The following DLC1 variants were observed in gnomAD, a reference collection of about 807,000 sequenced individuals.
DLC1 encodes DLC1 Rho GTPase activating protein.
In DLC1, 54 loss-of-function variants were observed where a neutral mutation model predicts 140.3. The observed-to-expected ratio is 0.38, with a 90% CI of 0.31 to 0.48. DLC1 has a LOEUF of 0.48. Among genes scored for constraint, DLC1 ranks in the 20% least tolerant of loss-of-function variants. The probability of loss-of-function intolerance (pLI) is 0.96; values close to 1 mark genes in which losing one functional copy is unlikely to be tolerated. For synonymous variants in DLC1, 986 were observed against 728.1 expected (o/e 1.35, Z -5.70); for missense variants, 2,536 against 1,907.0 (o/e 1.33, Z -6.14).
At chr8:13,329,772 A>C (rs1228720457) in intron 4 of DLC1, among the ~76,000 whole-genome samples, 1 of 152,162 alleles carries the variant, frequency 6.6e-6, no homozygotes, top group Non-Finnish European at 1.5e-5. Flanking sequence ...TAGGATCCTT[A>C]AGAACAGGAG....
At chr8:13,420,212 C>T (rs992818145) in intron 2 of DLC1, among the ~76,000 whole-genome samples, 2 of 152,080 alleles carry the variant, frequency 1.3e-5, no homozygotes, top group Admixed American at 1.3e-4. Flanking sequence ...TCTCTATTTC[C>T]TTGAGTTCTG....
rs1837794558 is a variant in DLC1 at position 13,411,764 on chromosome 8, A to C, written c.1024-10145T>G. ...AGACTAGAAAATTTTTAGTGTGGAT[A>C]TCTTTAAATACACACAAAATACAGA... is the stretch of plus-strand genomic sequence containing the variant. On this transcript the variant is annotated intron_variant, in intron 2 of 17. Transcript: ENST00000276297. 2.0e-5 allele frequency among the ~76,000 whole-genome samples: 3 copies of C among 152,202 alleles called. No homozygotes were observed. The South Asian group carries it at 6.2e-4, about 31-fold the overall frequency.
At chr8:13,597,699 A>G (rs1190988716) in intron 1 of DLC1, among the ~76,000 whole-genome samples, 1 of 152,088 alleles carries the variant, frequency 6.6e-6, no homozygotes, top group Non-Finnish European at 1.5e-5. Flanking sequence ...ACATTATGAT[A>G]CAGAAAATGT....
intron 4 of DLC1, among the ~76,000 whole-genome samples, chr8:13,317,231 C>A (rs1422931058): frequency 6.6e-6 from 1 of 152,100 alleles, no homozygotes; most frequent in African/African-American, 2.4e-5. Context: ...TAGCAATAAG[C>A]CACATTTTTG....
chr8:13,410,089 A>G (rs1837722224), intron 2 of DLC1, among the ~76,000 whole-genome samples: 1 of 152,136 alleles, frequency 6.6e-6, no homozygotes, highest in South Asian at 2.1e-4. Context: ...CAGATTTAAG[A>G]AAAAAATACG....
chr8:13,251,300 G>A (rs751662775), intron 5 of DLC1, among the ~76,000 whole-genome samples: 5 of 152,062 alleles, frequency 3.3e-5, no homozygotes, highest in Non-Finnish European at 5.9e-5. Context: ...ATAAACTGCA[G>A]GCTGATGGGG....
At chr8:13,499,025 A>G (rs752675180) in intron 2 of DLC1, 24 bp downstream of exon 2, 14 of 1,552,768 alleles carry the variant, frequency 9.0e-6, no homozygotes, top group Middle Eastern at 1.7e-4. Context: ...TTCAAAAGCC[A>G]GAGAATCTGT....
intron 1 of DLC1, chr8:13,604,451 T>C (rs1036245344): frequency 5.3e-5 from 8 of 152,196 alleles, no homozygotes; most frequent in African/African-American, 1.9e-4. Context: ...AGAAAGACTT[T>C]AACATGCAAA....
chr8:13,211,276 T>A (rs953638932), intron 5 of DLC1, among the ~76,000 whole-genome samples: 3 of 152,208 alleles, frequency 2.0e-5, no homozygotes, highest in African/African-American at 7.2e-5. Context: ...TAGCTAGCCA[T>A]CAATGCACAA....
chr8:13,380,607 CTG>C (rs1438846293), intron 4 of DLC1, among the ~76,000 whole-genome samples: 1 of 152,172 alleles, frequency 6.6e-6, no homozygotes, highest in East Asian at 1.9e-4. Flanking sequence ...AACCTTGACT[CTG>C]TGGTTTTACA....
chr8:13,359,998 AAGTG>A (rs1366475551), intron 4 of DLC1, among the ~76,000 whole-genome samples: 1 of 152,208 alleles, frequency 6.6e-6, no homozygotes, highest in Non-Finnish European at 1.5e-5. Context: ...GACATTTTAA[AAGTG>A]AGTATGTTGG....
At chr8:13,189,724 A>C (rs145632441) in intron 5 of DLC1, among the ~76,000 whole-genome samples, 1,906 of 152,150 alleles carry the variant, frequency 0.013, 50 homozygotes, top group African/African-American at 0.043. Context: ...CTCTACTAAA[A>C]ATACAAAATT....
At chr8:13,091,545 GTTTAT>G in intron 13 of DLC1, 113 bp from the exon 14 acceptor site, 1 of 863,964 alleles carries the variant, frequency 1.2e-6, no homozygotes, top group Middle Eastern at 3.2e-4. Flanking sequence ...ACTGGAATCT[GTTTAT>G]TGTTAAGTGG....
chr8:13,088,960 C>T (rs995755166), intron 15 of DLC1, among the ~76,000 whole-genome samples: 1 of 152,066 alleles, frequency 6.6e-6, no homozygotes, highest in Non-Finnish European at 1.5e-5. Context: ...CAACTCGAGT[C>T]AAAATGATGA....
At chr8:13,354,664 G>A (rs1467788464) in intron 4 of DLC1, among the ~76,000 whole-genome samples, 1 of 151,910 alleles carries the variant, frequency 6.6e-6, no homozygotes, top group Non-Finnish European at 1.5e-5. Context: ...TTTAAATCGG[G>A]TCAGGTGTGG....
Position 13,456,741 on chromosome 8 carries a change from G to A in DLC1, c.1023+42308C>T, listed in dbSNP as rs555089640. 2.0e-4 allele frequency among the ~76,000 whole-genome samples: 30 copies of A among 152,316 alleles called. No individual in the cohort carries two copies. In the South Asian group the frequency reaches 5.8e-3, roughly 29 times the overall value. On this transcript the variant is annotated intron_variant, in intron 2 of 17. Coordinates refer to ENST00000276297, the MANE Select transcript of DLC1 (RefSeq NM_182643.3). ...CCCAAAGTGCTGGGATTACAGGCATGAGCCACCGTGCCCCCCTCCATAATA... is the reference window on the plus strand; with the variant it reads ...CCCAAAGTGCTGGGATTACAGGCATAAGCCACCGTGCCCCCCTCCATAATA...
At chr8:13,356,176 A>G (rs1834934961) in intron 4 of DLC1, among the ~76,000 whole-genome samples, 1 of 151,882 alleles carries the variant, frequency 6.6e-6, no homozygotes, top group Non-Finnish European at 1.5e-5. Context: ...AATTCGAATA[A>G]TAACCACTGA....
intron 5 of DLC1, chr8:13,116,118 G>C: frequency 2.1e-6 from 2 of 970,882 alleles, no homozygotes; most frequent in Non-Finnish European, 2.5e-6. Context: ...CTGACACCCA[G>C]GGGTTGGGTG....
At chr8:13,177,339 A>G (rs910527675) in intron 5 of DLC1, among the ~76,000 whole-genome samples, 34 of 152,326 alleles carry the variant, frequency 2.2e-4, no homozygotes, top group African/African-American at 7.9e-4. Flanking sequence ...ATGATATGTC[A>G]TTAGTTTTCT....
Sources: gnomAD v4.1 joint callset for allele counts (sites outside exome capture counted in the v4.1 genomes callset) on GRCh38, gnomAD v4.1.1 for gene constraint, MANE v1.5 for transcripts, NCBI Gene and HGNC (gene_info 2026-07-23, HGNC 2026-07-21) for gene names.